ARHGEF37: variants seen among roughly 807,000 people sequenced by gnomAD.
The protein encoded by ARHGEF37 is Rho guanine nucleotide exchange factor (GEF) 37.
In ARHGEF37, 55 loss-of-function variants were observed where a neutral mutation model predicts 71.1. That is an observed-to-expected ratio of 0.77 (90% CI 0.62 to 0.97). The LOEUF is 0.97. Among genes scored for constraint, ARHGEF37 ranks in the 50% least tolerant of loss-of-function variants. The pLI is 0.00. For synonymous variants in ARHGEF37, 327 were observed against 350.6 expected, an observed-to-expected ratio of 0.93 and a Z score of 0.75; for missense variants, 765 against 836.8, an observed-to-expected ratio of 0.91 and a Z score of 1.06.
In ARHGEF37 at chr5:149,616,706, G is replaced by C. The variant is rs1580926374; in HGVS notation, c.598G>C (p.Val200Leu). The change falls in exon 5 of 13, where the codon GTC becomes CTC. Residue 200 changes from valine to leucine, a missense_variant. Physicochemically the swap from Val to Leu is conservative, Grantham distance 32 (BLOSUM62 1). Coordinates refer to ENST00000333677, the MANE Select transcript of ARHGEF37 (RefSeq NM_001001669.3). Reference protein sequence around the residue: ...ASAYPVLQRAVSALQDVNTNI... With the variant: ...ASAYPVLQRALSALQDVNTNI... ...TGCCTATCCTGTCCTTCAGAGGGCT[G>C]TCTCTGCCCTCCAGGACGTGAACAC... is the stretch of plus-strand genomic sequence containing the variant. The C allele has an allele frequency of 6.2e-7, 1 of 1,613,914 alleles. No homozygotes were observed. The highest frequency in any genetic ancestry group is 1.7e-5 in the Admixed American group (1 of 60,024).
intron 1 of ARHGEF37, among the ~76,000 whole-genome samples, chr5:149,563,474 T>C (rs78295033): frequency 0.026 from 3,950 of 152,336 alleles, 172 homozygotes; most frequent in African/African-American, 0.091. Context: ...GTTCTGTCAT[T>C]CTTCTTAGCC....
chr5:149,606,356 C>T (rs577933277), intron 3 of ARHGEF37, among the ~76,000 whole-genome samples: 10 of 152,268 alleles, frequency 6.6e-5, no homozygotes, highest in Non-Finnish European at 8.8e-5. Context: ...GAACCAACAC[C>T]GGGAAAGGGT....
intron 6 of ARHGEF37, 117 bp downstream of exon 6, chr5:149,618,423 G>C: frequency 6.8e-7 from 1 of 1,462,722 alleles, no homozygotes; most frequent in East Asian, 2.4e-5. Flanking sequence ...GAGGCTGAGA[G>C]ATTGAGGTGC....
At chr5:149,600,317 A>G (rs1336353668) in intron 2 of ARHGEF37, among the ~76,000 whole-genome samples, 2 of 152,214 alleles carry the variant, frequency 1.3e-5, no homozygotes, top group African/African-American at 4.8e-5. Flanking sequence ...CAGACTCTAG[A>G]TATTGTTCTT....
chr5:149,625,531 G>A (rs1428342995), intron 10 of ARHGEF37, among the ~76,000 whole-genome samples: 4 of 152,200 alleles, frequency 2.6e-5, no homozygotes, highest in South Asian at 4.1e-4. Context: ...CAAGTGCCGC[G>A]AACATGGGAG....
intron 1 of ARHGEF37, among the ~76,000 whole-genome samples, chr5:149,589,531 C>T (rs1235472622): frequency 6.6e-6 from 1 of 152,010 alleles, no homozygotes; most frequent in East Asian, 1.9e-4. Context: ...CACAGTTTCC[C>T]TCTTGTTGCC....
At position 149,618,104 on chromosome 5, in the gene ARHGEF37, G is replaced by A. The variant is rs1018270431; in HGVS notation, c.659-72G>A. 75 of 1,590,528 alleles carry A rather than the reference G, an allele frequency of 4.7e-5. No individual in the cohort carries two copies. The East Asian group carries it at 8.5e-4, about 18-fold the overall frequency. On this transcript the variant is annotated intron_variant, in intron 5 of 12. Coordinates refer to ENST00000333677, the MANE Select transcript of ARHGEF37 (RefSeq NM_001001669.3). The stretch of plus-strand genomic sequence containing the variant: ...AGAGGGCCCAAGCAGGTGCCCAGCC[G>A]GGCATGTCCGTGACATCCACTTTCC...
At chr5:149,556,400 A>ATTTT in intron 1 of ARHGEF37, among the ~76,000 whole-genome samples, 1 of 150,736 alleles carries the variant, frequency 6.6e-6, no homozygotes, top group Non-Finnish European at 1.5e-5. Context: ...TTATTTATTT[A>ATTTT]TTTTGAGATG....
intron 1 of ARHGEF37, among the ~76,000 whole-genome samples, chr5:149,586,452 G>A (rs992276972): frequency 9.9e-5 from 15 of 152,032 alleles, no homozygotes; most frequent in Non-Finnish European, 7.4e-5. Context: ...CAGTAGAGAT[G>A]GGTTTTCACC....
Position 149,632,167 on chromosome 5 carries a change from G to T in ARHGEF37, c.2004G>T (p.Leu668=). The T allele has an allele frequency of 6.2e-7, 1 of 1,614,248 alleles. No homozygotes were observed. The highest frequency in any genetic ancestry group is 8.5e-7 in the Non-Finnish European group (1 of 1,180,050). Residue 668 remains leucine, a synonymous_variant, in exon 13 of 13, where the codon CTG becomes CTT. Coordinates refer to ENST00000333677, the MANE Select transcript of ARHGEF37 (RefSeq NM_001001669.3). ...GFLARARSPV[L]WGWSLPS ...TGGCCAGGGCTCGGAGCCCAGTTCT[G>T]TGGGGCTGGAGTCTGCCCTCTTAGG... is the stretch of plus-strand genomic sequence containing the variant.
At chr5:149,628,150 C>G (rs1216398804) in intron 11 of ARHGEF37, among the ~76,000 whole-genome samples, 3 of 152,208 alleles carry the variant, frequency 2.0e-5, no homozygotes, top group Admixed American at 2.0e-4. Flanking sequence ...GCCAAGAGGA[C>G]TGGATTTGGA....
chr5:149,588,048 C>T (rs566032778), intron 1 of ARHGEF37, among the ~76,000 whole-genome samples: 2 of 150,696 alleles, frequency 1.3e-5, no homozygotes, highest in Admixed American at 6.6e-5. Context: ...AGGCGTGTGC[C>T]ACCACTCCTG....
Position 149,633,602 on chromosome 5 carries a change from T to G in ARHGEF37, c.*1411T>G, listed in dbSNP as rs865819826. 1 of 152,220 alleles carries G rather than the reference T, an allele frequency of 6.6e-6. No homozygotes were observed. The highest frequency in any genetic ancestry group is 2.1e-4 in the South Asian group (1 of 4,826). 9.4% of individuals were successfully genotyped at this position (152,220 alleles called of 1,614,324 possible). A position where few individuals can be genotyped will look rare whatever the true frequency, so the allele number is the denominator to read the frequency against. Reference sequence around the variant, plus strand: ...CTCTGGGCAAAGATAAGTTGCAAGATTCACAGAAATGGGAAAATGTGACCA... The same window carrying G: ...CTCTGGGCAAAGATAAGTTGCAAGAGTCACAGAAATGGGAAAATGTGACCA... On this transcript the variant is annotated 3_prime_UTR_variant, in exon 13 of 13. Transcript: ENST00000333677.
chr5:149,612,763 C>A (rs963978021), intron 4 of ARHGEF37, among the ~76,000 whole-genome samples: 1 of 152,250 alleles, frequency 6.6e-6, no homozygotes. Flanking sequence ...ATGCCTGCGG[C>A]ATTACTTTCC....
At chr5:149,608,668 C>A (rs1763984238) in intron 3 of ARHGEF37, among the ~76,000 whole-genome samples, 1 of 152,042 alleles carries the variant, frequency 6.6e-6, no homozygotes, top group African/African-American at 2.4e-5. Flanking sequence ...CCACACCCGG[C>A]AGTAAGTACT....
chr5:149,563,565 T>C (rs1455200307), intron 1 of ARHGEF37, among the ~76,000 whole-genome samples: 4 of 152,256 alleles, frequency 2.6e-5, no homozygotes, highest in Non-Finnish European at 1.5e-5. Context: ...GAGAGCACTT[T>C]GTTTAGGCCA....
Position 149,618,231 on chromosome 5 carries a change from C to T in ARHGEF37, c.714C>T (p.Ile238=), listed in dbSNP as rs1475554834. Residue 238 remains isoleucine, a synonymous_variant, in exon 6 of 13, where the codon ATC becomes ATT. Transcript: ENST00000333677. The stretch of plus-strand genomic sequence containing the variant: ...CCCTCCGGGAGCGGCTGGCCCGCAT[C>T]AACACACACACCCTCTCCAAGAAGA... ...QLTLRERLAR[I]NTHTLSKKTT... 1.2e-6 allele frequency: 2 copies of T among 1,614,218 alleles called. No individual in the cohort carries two copies.
At chr5:149,594,789 T>C (rs79916383) in intron 1 of ARHGEF37, among the ~76,000 whole-genome samples, 29 of 152,258 alleles carry the variant, frequency 1.9e-4, no homozygotes, top group Non-Finnish European at 4.0e-4. Context: ...AAACAACAAA[T>C]ACCCACGTAC....
intron 4 of ARHGEF37, among the ~76,000 whole-genome samples, chr5:149,615,268 C>T (rs1278953554): frequency 1.3e-5 from 2 of 151,368 alleles, no homozygotes; most frequent in African/African-American, 4.9e-5. Flanking sequence ...AATCCTCCTG[C>T]CTTAGCCTCC....
Sources: gnomAD v4.1 joint callset for allele counts (sites outside exome capture counted in the v4.1 genomes callset) on GRCh38, gnomAD v4.1.1 for gene constraint, MANE v1.5 for transcripts, NCBI Gene and HGNC (gene_info 2026-07-23, HGNC 2026-07-21) for gene names.